FAT3: variants seen among roughly 807,000 people sequenced by gnomAD.
The protein encoded by FAT3 is FAT atypical cadherin 3, also known as protocadherin Fat 3.
A neutral mutation model predicts 310.2 loss-of-function variants in FAT3; 95 were observed. The observed-to-expected ratio is 0.31, with a 90% CI of 0.26 to 0.36. The LOEUF is 0.36. Among genes scored for constraint, FAT3 ranks in the 10% least tolerant of loss-of-function variants. The pLI is 1.00. For synonymous variants in FAT3, 2,314 were observed against 2,192.9 expected (o/e 1.06, Z -1.54); for missense variants, 5,408 against 5,715.6 (o/e 0.95, Z 1.74).
At chr11:92,548,982 AT>A (rs1954710233) in intron 3 of FAT3, among the ~76,000 whole-genome samples, 1 of 152,192 alleles carries the variant, frequency 6.6e-6, no homozygotes, top group African/African-American at 2.4e-5. Context: ...TATTTAGTAT[AT>A]TAAGTCAATT....
intron 1 of FAT3, among the ~76,000 whole-genome samples, chr11:92,239,976 T>C (rs1176481290): frequency 1.3e-5 from 2 of 152,130 alleles, no homozygotes; most frequent in African/African-American, 4.8e-5. Context: ...TAATGTCTGG[T>C]GAATAACCTG....
In FAT3 at chr11:92,834,979, C is replaced by T. The variant is rs1346072683; in HGVS notation, c.9981C>T (p.Val3327=). 1 of 1,613,590 alleles carries T rather than the reference C, an allele frequency of 6.2e-7. No homozygotes were observed. The highest frequency in any genetic ancestry group is 1.3e-5 in the African/African-American group (1 of 75,058). The part of the protein sequence containing the change: ...GTPALSAVAT[V]NINLTDVNDN... The stretch of plus-strand genomic sequence containing the variant: ...CAGCTCTCAGCGCTGTGGCCACTGT[C>T]AACATCAACCTCACAGATGTTAATG... Residue 3327 remains valine, a synonymous_variant, in exon 15 of 28, where the codon GTC becomes GTT. Transcript: ENST00000525166.
Position 92,253,517 on chromosome 11 carries a change from G to T in FAT3, c.-18+28343G>T, listed in dbSNP as rs560337612. On this transcript the variant is annotated intron_variant, in intron 1 of 27. Coordinates refer to ENST00000525166, the MANE Select transcript of FAT3 (RefSeq NM_001367949.2). ...TTGCCCTTTGTTCTTAATATGATTT[G>T]CATATTTCCTGGGTTTCTGCTCTGA... Among the ~76,000 whole-genome samples, 13 of 152,138 alleles carry T rather than the reference G, an allele frequency of 8.5e-5. No individual in the cohort carries two copies. The South Asian group carries it at 2.7e-3, about 32-fold the overall frequency.
intron 3 of FAT3, among the ~76,000 whole-genome samples, chr11:92,630,579 C>T (rs114201509): frequency 3.2e-4 from 49 of 152,282 alleles, no homozygotes; most frequent in African/African-American, 1.1e-3. Flanking sequence ...TATGTTTTCC[C>T]CCAACGGAGA....
intron 19 of FAT3, among the ~76,000 whole-genome samples, chr11:92,852,229 A>C (rs1403577611): frequency 6.6e-6 from 1 of 152,134 alleles, no homozygotes; most frequent in Admixed American, 6.5e-5. Flanking sequence ...GTTCATAGAG[A>C]GGAAAGAACT....
intron 3 of FAT3, among the ~76,000 whole-genome samples, chr11:92,542,972 CA>C (rs1237025991): frequency 1.3e-4 from 20 of 151,932 alleles, no homozygotes; most frequent in African/African-American, 4.8e-4. Context: ...GGTGTGTATA[CA>C]AAAAGGAATA....
chr11:92,468,251 G>A (rs750217678), intron 2 of FAT3, among the ~76,000 whole-genome samples: 1 of 152,154 alleles, frequency 6.6e-6, no homozygotes, highest in Non-Finnish European at 1.5e-5. Context: ...ATCACTTTAT[G>A]AAGTAACTCC....
At chr11:92,866,629 T>A in intron 21 of FAT3, 112 bp from the exon 22 acceptor site, 1 of 916,428 alleles carries the variant, frequency 1.1e-6, no homozygotes, top group African/African-American at 1.7e-5. Flanking sequence ...GCAAAAGTCA[T>A]GTCCACATTC....
In FAT3 at chr11:92,893,477, T is replaced by A. The variant is rs1949960328; in HGVS notation, c.*2364T>A. ...CATCAAAGTAAAACCAACATGTCAT[T>A]TCCTGCCCCCAGGAAATATTAGAAT... On this transcript the variant is annotated 3_prime_UTR_variant, in exon 28 of 28. Transcript: ENST00000525166. The A allele has an allele frequency of 6.6e-6, 1 of 152,238 alleles. No homozygotes were observed. The highest frequency in any genetic ancestry group is 1.5e-5 in the Non-Finnish European group (1 of 68,046). The allele number at this position is 152,238 out of a possible 1,614,324, so 9.4% of individuals were successfully genotyped here.
At chr11:92,292,303 T>G (rs2134397826) in intron 1 of FAT3, among the ~76,000 whole-genome samples, 1 of 152,212 alleles carries the variant, frequency 6.6e-6, no homozygotes, top group East Asian at 1.9e-4. Context: ...TTAGCCTTAG[T>G]GAAAGAAGGC....
intron 3 of FAT3, among the ~76,000 whole-genome samples, chr11:92,642,942 C>A (rs1052468389): frequency 3.3e-5 from 5 of 152,164 alleles, no homozygotes; most frequent in Non-Finnish European, 5.9e-5. Flanking sequence ...TGGGCTTTGT[C>A]CATGCCATCT....
intron 4 of FAT3, among the ~76,000 whole-genome samples, chr11:92,731,079 GTGCTAT>G (rs1425236905): frequency 6.6e-6 from 1 of 152,146 alleles, no homozygotes; most frequent in Non-Finnish European, 1.5e-5. Flanking sequence ...AATATTTGTG[GTGCTAT>G]TAGAATGTCC....
At chr11:92,749,210 A>G (rs1301507802) in intron 4 of FAT3, 2 of 152,092 alleles carry the variant, frequency 1.3e-5, no homozygotes, top group Non-Finnish European at 2.9e-5. Context: ...TCTCTTTTTT[A>G]TTATTTTTAA....
At chr11:92,228,843 T>A (rs1864029743) in intron 1 of FAT3, among the ~76,000 whole-genome samples, 1 of 152,228 alleles carries the variant, frequency 6.6e-6, no homozygotes, top group South Asian at 2.1e-4. Flanking sequence ...ATGAGGATAT[T>A]TGATTTTTTT....
chr11:92,246,472 G>A (rs1306624538), intron 1 of FAT3, among the ~76,000 whole-genome samples: 1 of 152,068 alleles, frequency 6.6e-6, no homozygotes, highest in Non-Finnish European at 1.5e-5. Flanking sequence ...TTAAGACAGT[G>A]TGCAGCTGGT....
intron 3 of FAT3, among the ~76,000 whole-genome samples, chr11:92,592,847 A>C: frequency 6.6e-6 from 1 of 152,140 alleles, no homozygotes. Context: ...AAAATTTACC[A>C]TTTTAACCAT....
chr11:92,448,464 T>A (rs535196932), intron 2 of FAT3, among the ~76,000 whole-genome samples: 1 of 152,334 alleles, frequency 6.6e-6, no homozygotes, highest in African/African-American at 2.4e-5. Flanking sequence ...TAACTTTTCA[T>A]ATTAAGACTG....
At chr11:92,463,610 T>C (rs1211296808) in intron 2 of FAT3, among the ~76,000 whole-genome samples, 1 of 152,142 alleles carries the variant, frequency 6.6e-6, no homozygotes, top group Non-Finnish European at 1.5e-5. Flanking sequence ...GGCATCAGAA[T>C]TGACTTGGGG....
At chr11:92,316,801 T>C (rs1408622128) in intron 1 of FAT3, among the ~76,000 whole-genome samples, 2 of 152,226 alleles carry the variant, frequency 1.3e-5, no homozygotes. Context: ...CTGCTGGGTA[T>C]TGAGCTCAGT....
Sources: gnomAD v4.1 joint callset for allele counts (sites outside exome capture counted in the v4.1 genomes callset) on GRCh38, gnomAD v4.1.1 for gene constraint, MANE v1.5 for transcripts, NCBI Gene and HGNC (gene_info 2026-07-23, HGNC 2026-07-21) for gene names.